Variants in TRIM52 observed in about 807,000 individuals in gnomAD.
TRIM52 encodes the protein E3 ubiquitin-protein ligase TRIM52.
A neutral mutation model predicts 27.0 loss-of-function variants in TRIM52; 24 were observed. That is an observed-to-expected ratio of 0.89 (90% CI 0.64 to 1.25). The LOEUF (loss-of-function observed/expected upper bound fraction) is 1.25, where lower values mean the gene tolerates loss of function less well. Ranked by LOEUF, TRIM52 falls within the 50% of genes most tolerant of loss-of-function variation. TRIM52 has a pLI of 0.00. For synonymous variants in TRIM52, 125 were observed against 126.5 expected, an observed-to-expected ratio of 0.99 and a Z score of 0.08; for missense variants, 351 against 354.7, an observed-to-expected ratio of 0.99 and a Z score of 0.08.
At chr5:181,249,660 G>C (rs1347797022), downstream of TRIM52, among the ~76,000 whole-genome samples, 2 of 151,270 alleles carry the variant, frequency 1.3e-5, no homozygotes, top group African/African-American at 4.9e-5. Flanking sequence ...TGGGTGACAG[G>C]GTAAGATCCT....
At chr5:181,251,361 C>T (rs966415718), downstream of TRIM52, among the ~76,000 whole-genome samples, 4 of 151,868 alleles carry the variant, frequency 2.6e-5, no homozygotes, top group Admixed American at 1.3e-4. Flanking sequence ...CAGGGGGAAT[C>T]GCTATAGAGG....
intron 1 of TRIM52, chr5:181,257,432 G>C: frequency 1.2e-6 from 2 of 1,612,774 alleles, no homozygotes; most frequent in Non-Finnish European, 1.7e-6. Flanking sequence ...TATAGGCCTT[G>C]CTGTGAATGC....
chr5:181,252,079 C>T (rs2113233517), downstream of TRIM52, among the ~76,000 whole-genome samples: 1 of 152,324 alleles, frequency 6.6e-6, no homozygotes, highest in African/African-American at 2.4e-5. Flanking sequence ...CCTGTCTCGT[C>T]ACCCGTGTGA....
At chr5:181,253,090 C>T (rs1404366176), downstream of TRIM52, among the ~76,000 whole-genome samples, 3 of 138,522 alleles carry the variant, frequency 2.2e-5, 1 homozygote, top group East Asian at 4.4e-4. Flanking sequence ...GGCTGGAGTG[C>T]AATGGTGCGA....
downstream of TRIM52, among the ~76,000 whole-genome samples, chr5:181,253,085 G>C (rs1759673631): frequency 7.1e-6 from 1 of 141,554 alleles, no homozygotes; most frequent in Admixed American, 6.8e-5. Flanking sequence ...GCCCAGGCTG[G>C]AGTGCAATGG....
At chr5:181,253,821 AT>A (rs1759690237), downstream of TRIM52, among the ~76,000 whole-genome samples, 1 of 141,120 alleles carries the variant, frequency 7.1e-6, no homozygotes. Context: ...ATGTAGGGAG[AT>A]CTCCACAAAA....
Position 181,260,769 on chromosome 5 carries a change from C to T in TRIM52, c.45G>A (p.Gln15=). The part of the protein sequence containing the change: ...ATTPSPMQTL[Q]EEAVCAICLD... ...AGCAGATGGCACACACCGCTTCCTC[C>T]TGAAGGGTCTGCATGGGGCTGGGAG... Residue 15 remains glutamine (Q), a synonymous_variant, in exon 1 of 2, where the codon CAG becomes CAA. Transcript: ENST00000688015. The surrounding 1 kb of genome is among the most constrained non-coding windows in gnomAD (Gnocchi z 4.4). 1 of 1,611,590 alleles carries T rather than the reference C, an allele frequency of 6.2e-7. No individual in the cohort carries two copies. Among genetic ancestry groups the T allele is most frequent in the Non-Finnish European group, 8.5e-7 (1 of 1,178,268 alleles).
At chr5:181,259,943 G>A (rs1759956995) in intron 1 of TRIM52, 58 bp downstream of exon 1, 4 of 1,611,242 alleles carry the variant, frequency 2.5e-6, no homozygotes, top group African/African-American at 2.7e-5. Flanking sequence ...TCATTCCTCA[G>A]CTCTCCTAGT....
At chr5:181,258,371 CAG>C (rs1427833991) in intron 1 of TRIM52, 2 of 152,050 alleles carry the variant, frequency 1.3e-5, no homozygotes, top group Non-Finnish European at 2.9e-5. Flanking sequence ...GCCTGGGCAA[CAG>C]AGCAAGATAC....
Position 181,256,716 on chromosome 5 carries a change from A to G in TRIM52, c.*93T>C. The G allele has an allele frequency of 1.3e-6, 1 of 775,670 alleles. No homozygotes were observed. Among genetic ancestry groups the G allele is most frequent in the Non-Finnish European group, 1.6e-6 (1 of 638,530 alleles). The allele number at this position is 775,670 out of a possible 1,614,324, so 48.0% of individuals were successfully genotyped here. The stretch of plus-strand genomic sequence containing the variant: ...CTTGGAAGATTCCTGTGAATATTTC[A>G]ATACTGTCCAGTCTTAAAGCTGCAG... On this transcript the variant is annotated 3_prime_UTR_variant, in exon 2 of 2. Coordinates refer to ENST00000688015, the MANE Select transcript of TRIM52 (RefSeq NM_001346048.2).
In TRIM52 at chr5:181,256,837, A is replaced by G. The variant is rs1275636161; in HGVS notation, c.836T>C (p.Val279Ala). The change falls in exon 2 of 2, where the codon GTT (valine) becomes GCT (alanine). Residue 279 changes from valine (V) to alanine (A), a missense_variant. Physicochemically the swap from Val to Ala is moderately conservative, Grantham distance 64. Coordinates refer to ENST00000688015, the MANE Select transcript of TRIM52 (RefSeq NM_001346048.2). ...CTGCCCAACACTTTCAGATAACTCA[A>G]CTGAAGAAGTTGACCCTATCTTCTG... ...EYQKIGSTSS[V>A]ELSESVGQ 7.1e-6 allele frequency: 7 copies of G among 985,384 alleles called. No homozygotes were observed. The highest frequency in any genetic ancestry group is 3.5e-5 in the African/African-American group (2 of 57,244). The allele number at this position is 985,384 out of a possible 1,614,324, so 61.0% of individuals were successfully genotyped here. A position where few individuals can be genotyped will look rare whatever the true frequency, so the allele number is the denominator to read the frequency against.
downstream of TRIM52, chr5:181,254,409 C>G (rs1485734525): frequency 9.0e-6 from 1 of 111,704 alleles, no homozygotes; most frequent in Non-Finnish European, 1.6e-5. Context: ...GAGTCTCGCT[C>G]TGTCGCCCAG....
chr5:181,252,263 C>A (rs147877987), downstream of TRIM52, among the ~76,000 whole-genome samples: 36 of 152,316 alleles, frequency 2.4e-4, 1 homozygote, highest in East Asian at 6.9e-3. Context: ...TTGCTACTCC[C>A]AAGGGCCCCA....
Position 181,257,138 on chromosome 5 carries a change from C to G in TRIM52, c.814-279G>C, listed in dbSNP as rs549513219. The G allele has an allele frequency of 2.7e-6, 3 of 1,099,798 alleles. No homozygotes were observed. The African/African-American group carries it at 4.9e-5, about 18-fold the overall frequency. The allele number at this position is 1,099,798 out of a possible 1,614,324, so 68.1% of individuals were successfully genotyped here. ...TAAAACCTGACACCATTTAATGGTG[C>G]CCTTGGTCAAATCTAAATGATCTTA... On this transcript the variant is annotated intron_variant, in intron 1 of 1. Transcript: ENST00000688015.
chr5:181,258,029 A>T (rs1759859039), intron 1 of TRIM52: 2 of 151,520 alleles, frequency 1.3e-5, no homozygotes, highest in Non-Finnish European at 2.9e-5. Context: ...AAATAAAAAA[A>T]GATTTGTGTC....
Position 181,256,741 on chromosome 5 carries a change from G to A in TRIM52, c.*68C>T. On this transcript the variant is annotated 3_prime_UTR_variant, in exon 2 of 2. Coordinates refer to ENST00000688015, the MANE Select transcript of TRIM52 (RefSeq NM_001346048.2). ...AATACTGTCCAGTCTTAAAGCTGCA[G>A]AGAATCGGGCTTTGCAGAACACTCC... 1.1e-6 allele frequency: 1 copy of A among 897,992 alleles called. No individual in the cohort carries two copies. The highest frequency in any genetic ancestry group is 1.3e-6 in the Non-Finnish European group (1 of 750,314). The allele number at this position is 897,992 out of a possible 1,614,324, so 55.6% of individuals were successfully genotyped here.
At chr5:181,259,750 C>T (rs751974418) in intron 1 of TRIM52, 148 of 690,614 alleles carry the variant, frequency 2.1e-4, no homozygotes, top group Non-Finnish European at 2.9e-4. Context: ...CAGTAGTGGT[C>T]CGCTTCCAGT....
At chr5:181,257,224 A>G (rs1759819917) in intron 1 of TRIM52, 1 of 1,274,508 alleles carries the variant, frequency 7.8e-7, no homozygotes, top group Non-Finnish European at 9.9e-7. Context: ...CATGGGATGG[A>G]CAAACTGGAA....
chr5:181,256,160 T>C lies in TRIM52; in HGVS notation c.*649A>G, dbSNP rs1392827093. The stretch of plus-strand genomic sequence containing the variant: ...CCAAAAACCCAAATTTAACACAGTT[T>C]GCTGTAGTGCCATTAAGATATACTC... On this transcript the variant is annotated 3_prime_UTR_variant, in exon 2 of 2. Coordinates refer to ENST00000688015, the MANE Select transcript of TRIM52 (RefSeq NM_001346048.2). 6.6e-6 allele frequency: 1 copy of C among 152,240 alleles called. No homozygotes were observed. Among genetic ancestry groups the C allele is most frequent in the East Asian group, 1.9e-4 (1 of 5,204 alleles). 9.4% of individuals were successfully genotyped at this position (152,240 alleles called of 1,614,324 possible).
Sources: allele counts gnomAD v4.1 joint callset (sites outside exome capture counted in the v4.1 genomes callset), GRCh38; gene constraint gnomAD v4.1.1; non-coding constraint Gnocchi (gnomAD v3.1); transcripts MANE v1.5; gene names NCBI Gene and HGNC (gene_info 2026-07-23, HGNC 2026-07-21).